Variants in DCC observed in about 807,000 individuals in gnomAD.
The protein encoded by DCC is DCC netrin 1 receptor, also known as netrin receptor DCC.
A neutral mutation model predicts 172.5 loss-of-function variants in DCC; 58 were observed. The ratio of observed to expected loss-of-function variants is 0.34; its 90% CI spans 0.27 to 0.42. The LOEUF is 0.42. Ranked by LOEUF, DCC falls within the 10% of genes least tolerant of loss-of-function variation. The probability of loss-of-function intolerance (pLI) is 1.00; values close to 1 mark genes in which losing one functional copy is unlikely to be tolerated. For synonymous variants in DCC, 709 were observed against 644.5 expected (o/e 1.10, Z -1.52); for missense variants, 1,740 against 1,791.0 (o/e 0.97, Z 0.51).
At chr18:52,868,053 A>ATATATATG (rs61579666) in intron 2 of DCC, among the ~76,000 whole-genome samples, 23 of 144,356 alleles carry the variant, frequency 1.6e-4, no homozygotes, top group African/African-American at 5.7e-4. Flanking sequence ...ATATATATAT[A>ATATATATG]TGTGTGTGTG....
At chr18:53,006,428 A>C (rs963415917) in intron 5 of DCC, among the ~76,000 whole-genome samples, 6 of 152,218 alleles carry the variant, frequency 3.9e-5, no homozygotes, top group Non-Finnish European at 5.9e-5. Flanking sequence ...ATGCAACCTA[A>C]TAAAATGAAA....
chr18:52,543,765 C>A (rs1454179253), intron 1 of DCC, among the ~76,000 whole-genome samples: 1 of 152,142 alleles, frequency 6.6e-6, no homozygotes, highest in Non-Finnish European at 1.5e-5. Flanking sequence ...AGGACAAAAA[C>A]TTAAATAGAG....
chr18:53,254,849 T>C (rs550468377), intron 12 of DCC, among the ~76,000 whole-genome samples: 2 of 152,198 alleles, frequency 1.3e-5, no homozygotes, highest in South Asian at 4.1e-4. Flanking sequence ...TCAGCAATAT[T>C]TCTATGAAAC....
intron 14 of DCC, 142 bp from the exon 15 acceptor site, chr18:53,339,571 C>A: frequency 1.4e-6 from 1 of 733,140 alleles, no homozygotes. Flanking sequence ...ATATCATATG[C>A]TAAAATAAAG....
intron 1 of DCC, among the ~76,000 whole-genome samples, chr18:52,656,580 A>G (rs1246492219): frequency 6.6e-6 from 1 of 152,174 alleles, no homozygotes; most frequent in Non-Finnish European, 1.5e-5. Flanking sequence ...GTGACATGTG[A>G]AGAAAAAGAG....
chr18:52,757,467 A>C (rs562440107), intron 2 of DCC, among the ~76,000 whole-genome samples: 1 of 152,104 alleles, frequency 6.6e-6, no homozygotes, highest in African/African-American at 2.4e-5. Context: ...TTATACAACC[A>C]TGACCCCCTG....
At chr18:52,482,862 C>G (rs569063209) in intron 1 of DCC, among the ~76,000 whole-genome samples, 1 of 152,130 alleles carries the variant, frequency 6.6e-6, no homozygotes, top group East Asian at 1.9e-4. Flanking sequence ...TTGGATGTCT[C>G]ATTTTCCATA....
chr18:52,778,125 A>T (rs1314597495), intron 2 of DCC, among the ~76,000 whole-genome samples: 6 of 152,228 alleles, frequency 3.9e-5, no homozygotes, highest in Non-Finnish European at 8.8e-5. Context: ...GAAGTCAGTA[A>T]ATAATGTCTA....
chr18:52,869,710 T>C lies in DCC; in HGVS notation c.413-36334T>C, dbSNP rs147841917. 7.7e-3 allele frequency among the ~76,000 whole-genome samples: 1,175 copies of C among 152,262 alleles called. 1 individual carries two copies. Among genetic ancestry groups the C allele is most frequent in the Middle Eastern group, 0.017 (5 of 294 alleles). Reference sequence around the variant, plus strand: ...CCCATGCTCGTCAGCACCCAAAGTCTAGAGGGGGCCAAAGTCTGCTGGCGT... The same window carrying C: ...CCCATGCTCGTCAGCACCCAAAGTCCAGAGGGGGCCAAAGTCTGCTGGCGT... On this transcript the variant is annotated intron_variant, in intron 2 of 28. Coordinates refer to ENST00000442544, the MANE Select transcript of DCC (RefSeq NM_005215.4).
intron 2 of DCC, among the ~76,000 whole-genome samples, chr18:52,816,394 T>C (rs895056269): frequency 6.6e-6 from 1 of 152,226 alleles, no homozygotes; most frequent in Non-Finnish European, 1.5e-5. Flanking sequence ...ACAGTGAATG[T>C]TCCCGGCAAG....
intron 1 of DCC, among the ~76,000 whole-genome samples, chr18:52,534,607 G>C (rs1452530163): frequency 6.6e-6 from 1 of 152,100 alleles, no homozygotes; most frequent in Non-Finnish European, 1.5e-5. Flanking sequence ...CTGTGATTCA[G>C]AAAGACTAAC....
At chr18:53,258,021 G>C (rs1320016177) in intron 12 of DCC, among the ~76,000 whole-genome samples, 2 of 152,142 alleles carry the variant, frequency 1.3e-5, no homozygotes, top group African/African-American at 4.8e-5. Flanking sequence ...AGTATTCTCT[G>C]ATGGTAGCTT....
chr18:53,196,074 G>A (rs1046144203), intron 9 of DCC, among the ~76,000 whole-genome samples: 1 of 152,108 alleles, frequency 6.6e-6, no homozygotes, highest in African/African-American at 2.4e-5. Flanking sequence ...CCAGGCTACC[G>A]TGGAATTATT....
intron 5 of DCC, among the ~76,000 whole-genome samples, chr18:52,932,230 C>A (rs1052556472): frequency 2.0e-5 from 3 of 152,088 alleles, no homozygotes; most frequent in Non-Finnish European, 4.4e-5. Context: ...AGCTTTCTGG[C>A]TCAAGGATTT....
At chr18:53,381,531 C>A (rs1385177250) in intron 15 of DCC, among the ~76,000 whole-genome samples, 2 of 150,746 alleles carry the variant, frequency 1.3e-5, no homozygotes, top group African/African-American at 4.9e-5. Flanking sequence ...AGCATAAACA[C>A]CTGTTTCATT....
chr18:52,577,032 G>A (rs904132658), intron 1 of DCC, among the ~76,000 whole-genome samples: 1 of 152,086 alleles, frequency 6.6e-6, no homozygotes, highest in African/African-American at 2.4e-5. Flanking sequence ...ATATTTGGGT[G>A]TTTTCAATTT....
chr18:53,407,528 G>GATATAAATAT lies in DCC; in HGVS notation c.2936-2919_2936-2918insAATATATATA, dbSNP rs1555666922. 6.0e-3 allele frequency among the ~76,000 whole-genome samples: 707 copies of GATATAAATAT among 117,436 alleles called. 14 individuals carry two copies. The highest frequency in any genetic ancestry group is 0.025 in the Admixed American group (281 of 11,102). The allele number at this position is 117,436 out of a possible 152,430, so 77.0% of individuals were successfully genotyped here. Reference sequence around the variant, plus strand: ...TATATCTCCAGTGATTTTTATTCTGGATATATATATATATATATATATATA... The same window carrying GATATAAATAT: ...TATATCTCCAGTGATTTTTATTCTGGATATAAATATATATATATATATATATATATATATA... On this transcript the variant is annotated intron_variant, in intron 19 of 28. Coordinates refer to ENST00000442544, the MANE Select transcript of DCC (RefSeq NM_005215.4).
intron 25 of DCC, among the ~76,000 whole-genome samples, chr18:53,470,352 C>G (rs1440016238): frequency 1.3e-5 from 2 of 152,114 alleles, no homozygotes; most frequent in Non-Finnish European, 2.9e-5. Flanking sequence ...ACTTCATTGT[C>G]CATATCACTA....
intron 1 of DCC, among the ~76,000 whole-genome samples, chr18:52,557,890 C>T (rs555656662): frequency 9.9e-5 from 15 of 152,176 alleles, no homozygotes; most frequent in Non-Finnish European, 1.9e-4. Context: ...GAACTCCTGG[C>T]CTCAAGTGAT....
Sources: allele counts gnomAD v4.1 joint callset (sites outside exome capture counted in the v4.1 genomes callset), GRCh38; gene constraint gnomAD v4.1.1; transcripts MANE v1.5; gene names NCBI Gene and HGNC (gene_info 2026-07-23, HGNC 2026-07-21).